BTG4: variants seen among roughly 807,000 people sequenced by gnomAD.
The protein encoded by BTG4 is protein BTG4.
BTG4 carries 10 observed loss-of-function variants against 19.3 expected under a neutral mutation model. That is an observed-to-expected ratio of 0.52 (90% CI 0.32 to 0.88). The LOEUF is 0.88. Among genes scored for constraint, BTG4 ranks in the 40% least tolerant of loss-of-function variants. The probability of loss-of-function intolerance (pLI) is 0.04; values close to 1 mark genes in which losing one functional copy is unlikely to be tolerated. For synonymous variants in BTG4, 91 were observed against 95.7 expected (o/e 0.95, Z 0.29); for missense variants, 238 against 281.9 (o/e 0.84, Z 1.11).
At chr11:111,464,384 C>T (rs763998377), downstream of BTG4, among the ~76,000 whole-genome samples, 24 of 152,198 alleles carry the variant, frequency 1.6e-4, no homozygotes, top group Non-Finnish European at 3.2e-4. Context: ...CTAGATCCAA[C>T]CCACATGCAA....
At chr11:111,438,454 G>A in the BTG4 span, among the ~76,000 whole-genome samples, 8 of 152,084 alleles carry the variant, frequency 5.3e-5, no homozygotes, top group Non-Finnish European at 5.9e-5. Context: ...AACCTTCCTC[G>A]ACCCCTTCAG....
chr11:111,490,117 CAAAAAA>C (rs149540718), downstream of BTG4, among the ~76,000 whole-genome samples: 1 of 135,464 alleles, frequency 7.4e-6, no homozygotes, highest in African/African-American at 2.8e-5. Context: ...ACTAAAAATA[CAAAAAA>C]AAAAAAAAAT....
chr11:111,448,017 C>T, the BTG4 span, among the ~76,000 whole-genome samples: 95 of 152,178 alleles, frequency 6.2e-4, 1 homozygote, highest in Non-Finnish European at 5.9e-5. Context: ...CACCCTCTTA[C>T]TTCTATGCCT....
chr11:111,495,048 G>T lies in BTG4; in HGVS notation c.*87C>A. On this transcript the variant is annotated 3_prime_UTR_variant, in exon 5 of 5. Coordinates refer to ENST00000692032, the MANE Select transcript of BTG4 (RefSeq NM_001367975.1). ...TAATATGGTCATTTTTTGTTTCATG[G>T]GCCTCTCAACCTTAAATTCATTTTT... is the stretch of plus-strand genomic sequence containing the variant. 1 of 1,375,418 alleles carries T rather than the reference G, an allele frequency of 7.3e-7. No individual in the cohort carries two copies. Among genetic ancestry groups the T allele is most frequent in the Non-Finnish European group, 9.4e-7 (1 of 1,066,076 alleles). The allele number at this position is 1,375,418 out of a possible 1,614,324, so 85.2% of individuals were successfully genotyped here.
intron 1 of BTG4, among the ~76,000 whole-genome samples, chr11:111,504,465 C>T (rs1289509730): frequency 6.6e-6 from 1 of 152,072 alleles, no homozygotes; most frequent in East Asian, 1.9e-4. Flanking sequence ...CCACAAGCTT[C>T]TTCCTAATTT....
At chr11:111,437,100 C>A in the BTG4 span, among the ~76,000 whole-genome samples, 1 of 152,194 alleles carries the variant, frequency 6.6e-6, no homozygotes, top group African/African-American at 2.4e-5. Flanking sequence ...ACTCTTCCTG[C>A]CTGGCTCCCA....
the BTG4 span, among the ~76,000 whole-genome samples, chr11:111,404,153 A>G: frequency 1.3e-5 from 2 of 152,270 alleles, no homozygotes; most frequent in South Asian, 4.2e-4. Context: ...GTTTCCCTAC[A>G]CAAGTTCTCT....
At chr11:111,467,667 G>A (rs1263683250) in exon 6 of BTG4, 1 of 772,208 alleles carries the variant, frequency 1.3e-6, no homozygotes, top group South Asian at 1.4e-5. Context: ...ATTCCCAGAT[G>A]TGGGTTATAA....
At chr11:111,471,008 A>G (rs1181073062) in intron 5 of BTG4, among the ~76,000 whole-genome samples, 3 of 152,244 alleles carry the variant, frequency 2.0e-5, no homozygotes, top group Admixed American at 1.3e-4. Flanking sequence ...ATTTAAGTCT[A>G]TGATAAGAAA....
the BTG4 span, among the ~76,000 whole-genome samples, chr11:111,398,849 T>C: frequency 6.6e-6 from 1 of 152,054 alleles, no homozygotes; most frequent in Non-Finnish European, 1.5e-5. Flanking sequence ...CATAAACGTA[T>C]CATAAGTGAT....
At chr11:111,389,855 G>A in the BTG4 span, among the ~76,000 whole-genome samples, 1 of 152,182 alleles carries the variant, frequency 6.6e-6, no homozygotes, top group African/African-American at 2.4e-5. Context: ...AACAAAAGTG[G>A]AGGGAGGCAG....
intron 1 of BTG4, among the ~76,000 whole-genome samples, chr11:111,510,886 G>A (rs1242719144): frequency 6.6e-6 from 1 of 152,154 alleles, no homozygotes; most frequent in African/African-American, 2.4e-5. Context: ...AGATATTTAA[G>A]ATGCAACTAA....
the BTG4 span, among the ~76,000 whole-genome samples, chr11:111,391,936 G>T: frequency 6.6e-6 from 1 of 152,072 alleles, no homozygotes; most frequent in African/African-American, 2.4e-5. Flanking sequence ...CTCTCATTGC[G>T]TTCCATTCTG....
At chr11:111,428,904 G>A in the BTG4 span, among the ~76,000 whole-genome samples, 195 of 152,290 alleles carry the variant, frequency 1.3e-3, no homozygotes, top group African/African-American at 4.4e-3. Flanking sequence ...GTGATAGACC[G>A]CTAGCTAAAT....
At chr11:111,509,203 G>A (rs1866674885) in intron 1 of BTG4, among the ~76,000 whole-genome samples, 1 of 152,100 alleles carries the variant, frequency 6.6e-6, no homozygotes, top group Non-Finnish European at 1.5e-5. Flanking sequence ...TAGCTCAAAA[G>A]AAAATCTTCT....
the BTG4 span, among the ~76,000 whole-genome samples, chr11:111,403,374 C>G: frequency 6.6e-6 from 1 of 152,194 alleles, no homozygotes; most frequent in Non-Finnish European, 1.5e-5. Context: ...GAAGTCCTCC[C>G]TTCACCATGA....
At chr11:111,392,954 A>G in the BTG4 span, among the ~76,000 whole-genome samples, 1 of 152,222 alleles carries the variant, frequency 6.6e-6, no homozygotes, top group Non-Finnish European at 1.5e-5. Flanking sequence ...CATTCTTGCA[A>G]TCACGGATAG....
At chr11:111,479,089 A>T (rs994437966) in intron 5 of BTG4, among the ~76,000 whole-genome samples, 1 of 152,130 alleles carries the variant, frequency 6.6e-6, no homozygotes, top group Non-Finnish European at 1.5e-5. Context: ...GAAAACAAAA[A>T]GCAAAGAAAA....
At chr11:111,490,254 C>T (rs112227305), downstream of BTG4, among the ~76,000 whole-genome samples, 155 of 150,200 alleles carry the variant, frequency 1.0e-3, no homozygotes, top group African/African-American at 2.0e-3. Context: ...GCCTGGGCAA[C>T]GAGAGCAAAA....
Sources: gnomAD v4.1 joint callset for allele counts (sites outside exome capture counted in the v4.1 genomes callset) on GRCh38, gnomAD v4.1.1 for gene constraint, MANE v1.5 for transcripts, NCBI Gene and HGNC (gene_info 2026-07-23, HGNC 2026-07-21) for gene names.